Variants in RBM19 observed in about 807,000 individuals in gnomAD.
RBM19 encodes the protein probable RNA-binding protein 19.
RBM19 carries 94 observed loss-of-function variants against 116.8 expected under a neutral mutation model. That is an observed-to-expected ratio of 0.80 (90% CI 0.68 to 0.95). RBM19 has a LOEUF of 0.95. Among genes scored for constraint, RBM19 ranks in the 40% least tolerant of loss-of-function variants. The probability of loss-of-function intolerance (pLI) is 0.00; values close to 1 mark genes in which losing one functional copy is unlikely to be tolerated. For synonymous variants in RBM19, 475 were observed against 494.1 expected (o/e 0.96, Z 0.51); for missense variants, 1,161 against 1,220.7 (o/e 0.95, Z 0.73).
chr12:113,960,262 A>G, intron 2 of RBM19, 84 bp from the exon 3 acceptor site: 2 of 1,580,770 alleles, frequency 1.3e-6, no homozygotes, highest in Non-Finnish European at 1.7e-6. Context: ...GAGCTCGGGC[A>G]TTTCAGACAA....
chr12:113,900,730 C>T (rs993868515), intron 21 of RBM19, among the ~76,000 whole-genome samples: 3 of 152,164 alleles, frequency 2.0e-5, no homozygotes, highest in Non-Finnish European at 4.4e-5. Context: ...TCAGCTAACC[C>T]GAGTATGTCC....
chr12:113,821,133 T>C (rs987490643), downstream of RBM19, among the ~76,000 whole-genome samples: 3 of 152,056 alleles, frequency 2.0e-5, no homozygotes, highest in African/African-American at 7.2e-5. Flanking sequence ...TGGAGAGTGG[T>C]GGACTGTTAC....
chr12:113,861,858 G>A (rs1230752563), intron 21 of RBM19, among the ~76,000 whole-genome samples: 1 of 152,178 alleles, frequency 6.6e-6, no homozygotes, highest in Non-Finnish European at 1.5e-5. Flanking sequence ...TCCCATCCCA[G>A]GCAGCTGAAG....
chr12:113,833,502 C>G (rs1168800827), intron 23 of RBM19, among the ~76,000 whole-genome samples: 1 of 152,226 alleles, frequency 6.6e-6, no homozygotes, highest in African/African-American at 2.4e-5. Flanking sequence ...CCAGGCCAGA[C>G]AAGGCCCCAG....
Position 113,927,102 on chromosome 12 carries a change from C to A in RBM19, c.2196G>T (p.Leu732=), listed in dbSNP as rs779436767. ...EEEESLPGCT[L]FIKNLNFDTT... ...TGTCAAAATTGAGATTCTTAATAAA[C>A]AGAGTACATCCTGGGAGGCTCTCTT... Residue 732 remains leucine (L), a synonymous_variant, in exon 17 of 24, where the codon CTG becomes CTT. Coordinates refer to ENST00000261741, the MANE Select transcript of RBM19 (RefSeq NM_016196.4). 6.2e-7 allele frequency: 1 copy of A among 1,613,640 alleles called. No individual in the cohort carries two copies. Among genetic ancestry groups the A allele is most frequent in the Non-Finnish European group, 8.5e-7 (1 of 1,180,014 alleles).
At chr12:113,861,472 C>CTGTGTGTGTG (rs1218930064) in intron 21 of RBM19, among the ~76,000 whole-genome samples, 1 of 73,442 alleles carries the variant, frequency 1.4e-5, no homozygotes, top group Non-Finnish European at 2.7e-5. Context: ...GTAAGCCAGA[C>CTGTGTGTGTG]TCTGTGTGTG....
At chr12:113,869,758 T>C (rs573051256) in intron 21 of RBM19, among the ~76,000 whole-genome samples, 1 of 151,996 alleles carries the variant, frequency 6.6e-6, no homozygotes, top group South Asian at 2.1e-4. Context: ...ATCTTAAAAA[T>C]GGTTCAAGAA....
intron 21 of RBM19, among the ~76,000 whole-genome samples, chr12:113,884,120 A>AC (rs1555235356): frequency 2.6e-4 from 38 of 145,768 alleles, no homozygotes; most frequent in Non-Finnish European, 4.5e-4. Context: ...ACCAAAAAAA[A>AC]AAAAAAACAA....
intron 21 of RBM19, among the ~76,000 whole-genome samples, chr12:113,897,160 C>G (rs562764937): frequency 6.6e-6 from 1 of 152,296 alleles, no homozygotes; most frequent in East Asian, 1.9e-4. Context: ...CAGATACTGA[C>G]AGTCAGTGTT....
intron 23 of RBM19, among the ~76,000 whole-genome samples, chr12:113,838,929 A>G (rs1876202067): frequency 6.6e-6 from 1 of 152,150 alleles, no homozygotes; most frequent in Non-Finnish European, 1.5e-5. Flanking sequence ...GCCACTTCCC[A>G]CTGTCCCTGA....
chr12:113,865,075 C>T (rs560357324), intron 21 of RBM19, among the ~76,000 whole-genome samples: 29 of 152,296 alleles, frequency 1.9e-4, no homozygotes, highest in Admixed American at 1.8e-3. Context: ...AGAATAATTT[C>T]TGAGCTCCTT....
intron 12 of RBM19, 29 bp from the exon 13 acceptor site, chr12:113,945,953 C>A (rs369852568): frequency 6.6e-7 from 1 of 1,514,808 alleles, no homozygotes; most frequent in South Asian, 1.1e-5. Context: ...ACAGGGAGAT[C>A]AGACCGCAGC....
rs1301817184 is a variant in RBM19, at chr12:113,962,240, G to C, written c.211C>G (p.Arg71Gly). 1 of 1,614,208 alleles carries C rather than the reference G, an allele frequency of 6.2e-7. No individual in the cohort carries two copies. The highest frequency in any genetic ancestry group is 8.5e-7 in the Non-Finnish European group (1 of 1,180,012). Residue 71 changes from arginine to glycine, a missense_variant, in exon 2 of 24, where the codon CGG (arginine) becomes GGG (glycine). By Grantham distance (125) the Arg-to-Gly change is moderately radical. Coordinates refer to ENST00000261741, the MANE Select transcript of RBM19 (RefSeq NM_016196.4). ...GACTCCTGCCCACTCACTGTGATCC[G>C]GGATGTGTCGATGAAGCTCTTGTTG... ...HFNKSFIDTS[R>G]ITVEFCKSFG...
intron 21 of RBM19, among the ~76,000 whole-genome samples, chr12:113,888,412 C>T (rs1355674605): frequency 6.6e-6 from 1 of 152,214 alleles, no homozygotes; most frequent in African/African-American, 2.4e-5. Flanking sequence ...TCTAAGTCCA[C>T]ATTCCAGTGG....
intron 21 of RBM19, among the ~76,000 whole-genome samples, chr12:113,908,237 C>T (rs182818143): frequency 3.3e-5 from 5 of 152,274 alleles, no homozygotes; most frequent in Admixed American, 3.3e-4. Context: ...GATGAAAGGG[C>T]TCAAAGGGCT....
chr12:113,841,219 C>G (rs1401225402), intron 23 of RBM19, among the ~76,000 whole-genome samples: 2 of 150,550 alleles, frequency 1.3e-5, no homozygotes, highest in Non-Finnish European at 2.9e-5. Context: ...ATAACAGGGC[C>G]TTCTATGAGC....
chr12:113,928,131 G>A (rs946219189), intron 16 of RBM19, among the ~76,000 whole-genome samples: 3 of 152,164 alleles, frequency 2.0e-5, no homozygotes, highest in African/African-American at 7.2e-5. Flanking sequence ...GAGGTCAGGA[G>A]TTCAAGACTA....
At chr12:113,918,297 C>G in intron 20 of RBM19, 95 bp downstream of exon 20, 2 of 1,174,092 alleles carry the variant, frequency 1.7e-6, no homozygotes, top group South Asian at 2.5e-5. Flanking sequence ...GTGGAAAGGA[C>G]ATTGAAGGGT....
chr12:113,960,165 T>G lies in RBM19; in HGVS notation c.233A>C (p.Lys78Thr). 6.2e-7 allele frequency: 1 copy of G among 1,613,742 alleles called. No individual in the cohort carries two copies. The highest frequency in any genetic ancestry group is 2.2e-5 in the East Asian group (1 of 44,870). The change falls in exon 3 of 24, where the codon AAG becomes ACG. Residue 78 changes from lysine (K) to threonine (T), a missense_variant. Transcript: ENST00000261741. ...GGGTTTGGCCGGGTCCCCGAATGAC[T>G]TGCAGAACTCCACCTGTGTGGGAAA... ...DTSRITVEFC[K>T]SFGDPAKPRA...
Sources: gnomAD v4.1 joint callset for allele counts (sites outside exome capture counted in the v4.1 genomes callset) on GRCh38, gnomAD v4.1.1 for gene constraint, MANE v1.5 for transcripts, NCBI Gene and HGNC (gene_info 2026-07-23, HGNC 2026-07-21) for gene names.